The following RGS17 variants were observed in gnomAD, a reference collection of about 807,000 sequenced individuals.
The protein encoded by RGS17 is regulator of G protein signaling 17.
A neutral mutation model predicts 25.5 loss-of-function variants in RGS17; 12 were observed. That is an observed-to-expected ratio of 0.47 (90% confidence interval 0.30 to 0.76). The LOEUF (loss-of-function observed/expected upper bound fraction) is 0.76, where lower values mean the gene tolerates loss of function less well. Among genes scored for constraint, RGS17 ranks in the 30% least tolerant of loss-of-function variants. RGS17 has a pLI of 0.07. For missense variants in RGS17, 196 were observed against 242.2 expected, an observed-to-expected ratio of 0.81 and a Z score of 1.27; for synonymous variants, 71 against 76.9, an observed-to-expected ratio of 0.92 and a Z score of 0.40.
chr6:153,087,022 C>T (rs1211085281), intron 1 of RGS17, among the ~76,000 whole-genome samples: 1 of 152,170 alleles, frequency 6.6e-6, no homozygotes, highest in African/African-American at 2.4e-5. Context: ...ATGGCTCACA[C>T]CTATAATCCC....
intron 2 of RGS17, among the ~76,000 whole-genome samples, chr6:153,032,962 G>C (rs904505445): frequency 2.0e-5 from 3 of 152,140 alleles, no homozygotes; most frequent in Non-Finnish European, 4.4e-5. Context: ...ACTACCAATA[G>C]GTAGGAAATA....
chr6:153,121,729 G>A (rs534337520), intron 1 of RGS17, among the ~76,000 whole-genome samples: 1 of 152,248 alleles, frequency 6.6e-6, no homozygotes, highest in South Asian at 2.1e-4. Flanking sequence ...AGATGTACTC[G>A]AAATAGTTGC....
rs983652887 is a variant in RGS17, at chr6:153,009,739, C to T, written c.*1835G>A. ...CTGAATATGGTAGGATAGTCAGCAA[C>T]GCCAGTGTAAACAGAATATTTTGTT... On this transcript the variant is annotated 3_prime_UTR_variant, in exon 5 of 5. Transcript: ENST00000206262. The T allele has an allele frequency of 9.2e-5, 14 of 151,744 alleles. No homozygotes were observed. Among genetic ancestry groups the T allele is most frequent in the African/African-American group, 2.2e-4 (9 of 41,382 alleles). The allele number at this position is 151,744 out of a possible 1,614,324, so 9.4% of individuals were successfully genotyped here.
intron 1 of RGS17, among the ~76,000 whole-genome samples, chr6:153,099,015 C>T (rs572611257): frequency 8.6e-5 from 13 of 151,676 alleles, no homozygotes; most frequent in Admixed American, 3.3e-4. Context: ...TCTTGTCCCC[C>T]CGTCCAAAAA....
At chr6:153,017,924 A>G (rs982387584) in intron 4 of RGS17, among the ~76,000 whole-genome samples, 1 of 152,148 alleles carries the variant, frequency 6.6e-6, no homozygotes, top group Non-Finnish European at 1.5e-5. Flanking sequence ...TGGTATTCCT[A>G]TGTTAAATTT....
Position 153,005,780 on chromosome 6 carries a change from C to T in RGS17, c.*5794G>A, listed in dbSNP as rs1385038494. ...AGAAACTGTCACAGCCAAGGGAAGC[C>T]TAAGGAAACATGACAACTAAATGTA... On this transcript the variant is annotated 3_prime_UTR_variant, in exon 5 of 5. Coordinates refer to ENST00000206262, the MANE Select transcript of RGS17 (RefSeq NM_012419.5). 6.6e-6 allele frequency: 1 copy of T among 152,200 alleles called. No homozygotes were observed. The highest frequency in any genetic ancestry group is 2.4e-5 in the African/African-American group (1 of 41,402). 9.4% of individuals were successfully genotyped at this position (152,200 alleles called of 1,614,324 possible). A position where few individuals can be genotyped will look rare whatever the true frequency, so the allele number is the denominator to read the frequency against.
At chr6:153,071,932 GGTT>G (rs1045443664) in intron 1 of RGS17, among the ~76,000 whole-genome samples, 2 of 152,094 alleles carry the variant, frequency 1.3e-5, no homozygotes, top group African/African-American at 4.8e-5. Flanking sequence ...TAATTTACCA[GGTT>G]GTTGTTTGGA....
intron 2 of RGS17, 134 bp downstream of exon 2, chr6:153,043,766 A>T (rs1776351381): frequency 1.7e-6 from 1 of 586,422 alleles, no homozygotes; most frequent in Non-Finnish European, 3.0e-6. Context: ...GATAGTCTTC[A>T]ATAAGTCCTA....
In RGS17 at chr6:153,035,011, A is replaced by C. The variant is rs189198105; in HGVS notation, c.120-8468T>G. Among the ~76,000 whole-genome samples the C allele has an allele frequency of 4.6e-5, 7 of 152,090 alleles. No individual in the cohort carries two copies. The East Asian group carries it at 1.4e-3, about 29-fold the overall frequency. On this transcript the variant is annotated intron_variant, in intron 2 of 4. Transcript: ENST00000206262. ...CTAAAAATACAAAAAAAAATTAGCC[A>C]GGTGTGGTGGTGCATGCCTGCAGTC...
chr6:153,124,851 AG>A (rs1777682893), intron 1 of RGS17, among the ~76,000 whole-genome samples: 1 of 152,166 alleles, frequency 6.6e-6, no homozygotes, highest in South Asian at 2.1e-4. Context: ...AAAATAGGAG[AG>A]TTTAGGGTAA....
intron 1 of RGS17, among the ~76,000 whole-genome samples, chr6:153,087,397 T>C (rs572905300): frequency 2.0e-5 from 3 of 152,286 alleles, no homozygotes; most frequent in East Asian, 3.9e-4. Context: ...TGACTATCTA[T>C]CGAAAGCTAT....
intron 2 of RGS17, among the ~76,000 whole-genome samples, chr6:153,028,659 C>T (rs963233008): frequency 6.6e-6 from 1 of 152,086 alleles, no homozygotes; most frequent in Non-Finnish European, 1.5e-5. Context: ...ATAAAATGTA[C>T]AATTTTTTGG....
At chr6:153,061,196 T>C (rs1776633439) in intron 1 of RGS17, among the ~76,000 whole-genome samples, 1 of 152,180 alleles carries the variant, frequency 6.6e-6, no homozygotes, top group African/African-American at 2.4e-5. Flanking sequence ...CAGCATTAGC[T>C]TGGGGTGAAC....
chr6:153,103,589 T>C (rs1777337539), intron 1 of RGS17, among the ~76,000 whole-genome samples: 1 of 152,164 alleles, frequency 6.6e-6, no homozygotes, highest in African/African-American at 2.4e-5. Context: ...AGAGAAAGTG[T>C]AAACCAAACT....
rs1777764141 is a variant in RGS17, at chr6:153,130,095, C to T, written c.-26+1029G>A. Among the ~76,000 whole-genome samples, 1 of 152,188 alleles carries T rather than the reference C, an allele frequency of 6.6e-6. No individual in the cohort carries two copies. The highest frequency in any genetic ancestry group is 1.5e-5 in the Non-Finnish European group (1 of 68,022). On this transcript the variant is annotated intron_variant, in intron 1 of 4. Coordinates refer to ENST00000206262, the MANE Select transcript of RGS17 (RefSeq NM_012419.5). This position sits in a 1 kb window ranked among gnomAD's most constrained non-coding sequence, Gnocchi z 6.4. ...GAGGAGCAGCTCCCACCCGCGGCTT[C>T]CGAGTCCAGCTCTGTCCCTCCGCCA...
chr6:153,070,989 GTA>G (rs925882602), intron 1 of RGS17, among the ~76,000 whole-genome samples: 12 of 149,866 alleles, frequency 8.0e-5, no homozygotes, highest in African/African-American at 2.4e-4. Context: ...ACACATGTGT[GTA>G]TATATGTACA....
rs145940298 is a variant in RGS17, at chr6:153,100,617, T to G, written c.-26+30507A>C. ...TATATCTAAGAATTATTGCTAGAAGTCTTCCTTTTATCTAACTTACTTCTT... is the reference window on the plus strand; with the variant it reads ...TATATCTAAGAATTATTGCTAGAAGGCTTCCTTTTATCTAACTTACTTCTT... On this transcript the variant is annotated intron_variant, in intron 1 of 4. Transcript: ENST00000206262. 5.6e-4 allele frequency among the ~76,000 whole-genome samples: 85 copies of G among 152,272 alleles called. No individual in the cohort carries two copies. The East Asian group carries it at 0.013, about 23-fold the overall frequency.
At chr6:153,129,031 A>G (rs1440589420) in intron 1 of RGS17, among the ~76,000 whole-genome samples, 1 of 152,216 alleles carries the variant, frequency 6.6e-6, no homozygotes, top group Admixed American at 6.5e-5. Context: ...CGTTCAGACT[A>G]ATTTCAGGAG....
intron 1 of RGS17, among the ~76,000 whole-genome samples, chr6:153,091,700 A>G (rs1239689638): frequency 6.6e-6 from 1 of 152,052 alleles, no homozygotes; most frequent in Admixed American, 6.6e-5. Context: ...TTTAGTAGAG[A>G]CGGGGTTTCT....
Sources: allele counts gnomAD v4.1 joint callset (sites outside exome capture counted in the v4.1 genomes callset), GRCh38; gene constraint gnomAD v4.1.1; non-coding constraint Gnocchi (gnomAD v3.1); transcripts MANE v1.5; gene names NCBI Gene and HGNC (gene_info 2026-07-23, HGNC 2026-07-21).